INPP4B: variants seen among roughly 807,000 people sequenced by gnomAD.
INPP4B encodes inositol polyphosphate-4-phosphatase type II B.
INPP4B carries 55 observed loss-of-function variants against 122.5 expected under a neutral mutation model. The observed-to-expected ratio is 0.45, with a 90% CI of 0.36 to 0.56. INPP4B has a LOEUF of 0.56. Ranked by LOEUF, INPP4B falls within the 20% of genes least tolerant of loss-of-function variation. The probability of loss-of-function intolerance (pLI) is 0.00; values close to 1 mark genes in which losing one functional copy is unlikely to be tolerated. For synonymous variants in INPP4B, 403 were observed against 388.7 expected, an observed-to-expected ratio of 1.04 and a Z score of -0.43; for missense variants, 1,000 against 1,097.7, an observed-to-expected ratio of 0.91 and a Z score of 1.26.
At chr4:142,038,581 C>T (rs1745385821) in intron 25 of INPP4B, among the ~76,000 whole-genome samples, 1 of 152,130 alleles carries the variant, frequency 6.6e-6, no homozygotes, top group Non-Finnish European at 1.5e-5. Context: ...GGAAGGGTTC[C>T]TGTAAACTAG....
chr4:142,601,798 T>C (rs1739999083), intron 2 of INPP4B, among the ~76,000 whole-genome samples: 1 of 151,600 alleles, frequency 6.6e-6, no homozygotes, highest in African/African-American at 2.4e-5. Flanking sequence ...TGAAACCCCA[T>C]CTCTACCGAA....
At chr4:142,318,124 A>T (rs9654253) in intron 7 of INPP4B, among the ~76,000 whole-genome samples, 18,375 of 152,146 alleles carry the variant, frequency 0.12, 1,367 homozygotes, top group Middle Eastern at 0.2. Context: ...TAACATGGGG[A>T]CAATAGACCC....
intron 1 of INPP4B, among the ~76,000 whole-genome samples, chr4:142,737,355 A>C (rs561688979): frequency 1.3e-5 from 2 of 152,306 alleles, no homozygotes; most frequent in Non-Finnish European, 2.9e-5. Context: ...AAAACAAGCA[A>C]TGGGGAAAGG....
chr4:142,331,092 A>T (rs910837625), intron 7 of INPP4B, among the ~76,000 whole-genome samples: 2 of 152,240 alleles, frequency 1.3e-5, no homozygotes, highest in Non-Finnish European at 2.9e-5. Flanking sequence ...ACCACAGGCA[A>T]GGAAATTCAA....
At chr4:142,782,732 A>G (rs564500669) in intron 1 of INPP4B, among the ~76,000 whole-genome samples, 7 of 152,158 alleles carry the variant, frequency 4.6e-5, no homozygotes, top group Non-Finnish European at 8.8e-5. Flanking sequence ...TCTGATGGCC[A>G]GTGATGGTGT....
chr4:142,669,374 G>T (rs917238219), intron 2 of INPP4B, among the ~76,000 whole-genome samples: 3 of 151,950 alleles, frequency 2.0e-5, no homozygotes, highest in African/African-American at 7.3e-5. Context: ...GAAACAAAAA[G>T]AACAAAGCTG....
chr4:142,526,751 CCTTTTG>C (rs1826969289), intron 2 of INPP4B, among the ~76,000 whole-genome samples: 1 of 152,002 alleles, frequency 6.6e-6, no homozygotes, highest in Admixed American at 6.6e-5. Flanking sequence ...ATATGCTTTT[CCTTTTG>C]CTTTATAATT....
At chr4:142,385,705 C>G (rs1459113642) in intron 7 of INPP4B, among the ~76,000 whole-genome samples, 1 of 152,132 alleles carries the variant, frequency 6.6e-6, no homozygotes, top group Non-Finnish European at 1.5e-5. Context: ...ACCTCTCAGT[C>G]AAGCATCCAT....
chr4:142,179,818 T>C (rs1007078579), intron 15 of INPP4B, among the ~76,000 whole-genome samples: 5 of 152,180 alleles, frequency 3.3e-5, no homozygotes, highest in African/African-American at 1.2e-4. Context: ...TCCTGGCCTA[T>C]TCCCACTTAT....
chr4:142,729,440 C>G (rs1050719379), intron 1 of INPP4B, among the ~76,000 whole-genome samples: 1 of 152,166 alleles, frequency 6.6e-6, no homozygotes, highest in Non-Finnish European at 1.5e-5. Context: ...ATTTGTTGGT[C>G]CCTATTTTTC....
At chr4:142,168,077 T>C (rs988407245) in intron 16 of INPP4B, among the ~76,000 whole-genome samples, 3 of 151,338 alleles carry the variant, frequency 2.0e-5, no homozygotes, top group Non-Finnish European at 4.4e-5. Context: ...CAGAGAAACA[T>C]GTGTCCTTTT....
At chr4:142,381,533 T>C (rs1460487623) in intron 7 of INPP4B, among the ~76,000 whole-genome samples, 2 of 152,104 alleles carry the variant, frequency 1.3e-5, no homozygotes, top group African/African-American at 4.8e-5. Context: ...ATTTATGCCA[T>C]ACATATAAAA....
chr4:142,306,229 G>GTT (rs5862582), intron 8 of INPP4B, among the ~76,000 whole-genome samples: 5 of 135,910 alleles, frequency 3.7e-5, no homozygotes, highest in Non-Finnish European at 6.4e-5. Context: ...ACTCCAAATT[G>GTT]TTTTTTTTTT....
At chr4:142,521,373 AAAGAAAATTCTTGTGTTTTAACC>A (rs1347532318) in intron 2 of INPP4B, among the ~76,000 whole-genome samples, 19 of 152,070 alleles carry the variant, frequency 1.2e-4, no homozygotes, top group Admixed American at 9.2e-4. Flanking sequence ...GTTTTGCAGC[AAAGAAAATTCTTGTGTTTTAACC>A]AAGAATATCC....
intron 2 of INPP4B, among the ~76,000 whole-genome samples, chr4:142,681,128 C>T (rs116265499): frequency 0.013 from 2,019 of 151,862 alleles, 43 homozygotes; most frequent in African/African-American, 0.038. Flanking sequence ...TTATGTCAGC[C>T]GCATGCATAA....
At chr4:142,651,938 T>A (rs1182138504) in intron 2 of INPP4B, among the ~76,000 whole-genome samples, 1 of 152,162 alleles carries the variant, frequency 6.6e-6, no homozygotes, top group Non-Finnish European at 1.5e-5. Flanking sequence ...TTTAGACCAA[T>A]ACCGCTGATG....
chr4:142,305,767 G>C, intron 8 of INPP4B: 3 of 1,341,620 alleles, frequency 2.2e-6, no homozygotes, highest in Non-Finnish European at 2.9e-6. Context: ...CAACAGGCTA[G>C]AAAATAACAA....
At chr4:142,405,119 G>GGGGA in intron 6 of INPP4B, 87 bp downstream of exon 6, 1 of 669,876 alleles carries the variant, frequency 1.5e-6, no homozygotes, top group Non-Finnish European at 2.6e-6. Context: ...GGGCGGGGGT[G>GGGGA]GGGGGGAGGG....
chr4:142,086,322 G>C, intron 23 of INPP4B, 66 bp from the exon 24 acceptor site: 1 of 854,926 alleles, frequency 1.2e-6, no homozygotes, highest in Middle Eastern at 2.7e-4. Flanking sequence ...TGCCCATGGA[G>C]GTTTTTTCAA....
Sources: gnomAD v4.1 joint callset for allele counts (sites outside exome capture counted in the v4.1 genomes callset) on GRCh38, gnomAD v4.1.1 for gene constraint, MANE v1.5 for transcripts, NCBI Gene and HGNC (gene_info 2026-07-23, HGNC 2026-07-21) for gene names.